The following TDRD3 variants were observed in gnomAD, a reference collection of about 807,000 sequenced individuals.
The protein encoded by TDRD3 is tudor domain containing 3, also known as tudor domain-containing protein 3.
Under a neutral mutation model 86.7 loss-of-function variants are expected in TDRD3, and 45 were observed. The observed-to-expected ratio is 0.52, with a 90% CI of 0.41 to 0.67. The LOEUF (loss-of-function observed/expected upper bound fraction) is 0.67, where lower values mean the gene tolerates loss of function less well. TDRD3 is among the 30% of genes least tolerant of loss of function. The pLI is 0.00. For synonymous variants in TDRD3, 298 were observed against 301.7 expected (o/e 0.99, Z 0.13); for missense variants, 814 against 889.0 (o/e 0.92, Z 1.07).
intron 5 of TDRD3, among the ~76,000 whole-genome samples, chr13:60,474,196 G>A (rs1272851507): frequency 1.3e-5 from 2 of 152,088 alleles, no homozygotes; most frequent in South Asian, 2.1e-4. Flanking sequence ...CTCTCTCTCC[G>A]CCTTGGCTGC....
chr13:60,419,329 A>T (rs1005808616), intron 1 of TDRD3, among the ~76,000 whole-genome samples: 1 of 152,172 alleles, frequency 6.6e-6, no homozygotes, highest in African/African-American at 2.4e-5. Context: ...TAATGTGACT[A>T]TTAGCTCTTC....
chr13:60,460,308 A>G (rs1314479730), intron 3 of TDRD3, 72 bp from the exon 4 acceptor site: 5 of 1,333,764 alleles, frequency 3.7e-6, no homozygotes, highest in South Asian at 1.5e-5. Context: ...GAGAAACACT[A>G]TAAATGAAAA....
chr13:60,495,467 A>T (rs1440962586), intron 8 of TDRD3, among the ~76,000 whole-genome samples: 8 of 145,434 alleles, frequency 5.5e-5, no homozygotes, highest in Non-Finnish European at 1.1e-4. Context: ...AATCAGAGGT[A>T]TTTTTTTTTT....
At chr13:60,420,769 C>T (rs9538688) in intron 1 of TDRD3, among the ~76,000 whole-genome samples, 29,539 of 151,706 alleles carry the variant, frequency 0.19, 3,561 homozygotes, top group South Asian at 0.29. Flanking sequence ...GGTGAAACCC[C>T]GTCTCTACTA....
chr13:60,478,294 T>A (rs1460597047), intron 5 of TDRD3, among the ~76,000 whole-genome samples: 4 of 72,128 alleles, frequency 5.5e-5, no homozygotes, highest in African/African-American at 2.2e-4. Context: ...TCTACCAATT[T>A]TTTTTTTTTT....
chr13:60,541,409 C>T (rs1264009706), intron 12 of TDRD3, among the ~76,000 whole-genome samples: 4 of 151,976 alleles, frequency 2.6e-5, no homozygotes, highest in East Asian at 3.9e-4. Context: ...TCAGGTGATC[C>T]GCCTGCTTTG....
chr13:60,397,286 AAG>A lies in TDRD3; in HGVS notation c.-78_-77del. Reference sequence around the variant, plus strand: ...TCTTTTCTTTTCTTTTTTTTTTTTTAAGGGGGGGGGTCTCAAGTAGGAGGCCT... The same window carrying A: ...TCTTTTCTTTTCTTTTTTTTTTTTTAGGGGGGGGTCTCAAGTAGGAGGCCT... On this transcript the variant is annotated 5_prime_UTR_variant, in exon 1 of 14. An upstream open reading frame in the 5' UTR gains an earlier in-frame stop. Coordinates refer to ENST00000377881, the MANE Select transcript of TDRD3 (RefSeq NM_001146070.2). 1 of 591,718 alleles carries A rather than the reference AAG, an allele frequency of 1.7e-6. No homozygotes were observed. Among genetic ancestry groups the A allele is most frequent in the Non-Finnish European group, 2.5e-6 (1 of 399,408 alleles). The allele number at this position is 591,718 out of a possible 1,614,324, so 36.7% of individuals were successfully genotyped here.
chr13:60,562,336 AAAAAG>A (rs1048989611), intron 12 of TDRD3, among the ~76,000 whole-genome samples: 2 of 151,964 alleles, frequency 1.3e-5, no homozygotes, highest in African/African-American at 2.4e-5. Flanking sequence ...CCCGGCAAAA[AAAAAG>A]AAAAGAAAAG....
Position 60,557,004 on chromosome 13 carries a change from A to T in TDRD3, c.2119-10521A>T, listed in dbSNP as rs2137932091. Among the ~76,000 whole-genome samples, 4 of 152,300 alleles carry T rather than the reference A, an allele frequency of 2.6e-5. No individual in the cohort carries two copies. The East Asian group carries it at 7.7e-4, about 29-fold the overall frequency. ...CAGATCACCTGAGGTCGGGAGTTCG[A>T]TACCAGCCTGACCAACGTGGAGAAA... On this transcript the variant is annotated intron_variant, in intron 12 of 13. Transcript: ENST00000377881.
At chr13:60,419,257 A>T (rs1397898424) in intron 1 of TDRD3, among the ~76,000 whole-genome samples, 1 of 152,174 alleles carries the variant, frequency 6.6e-6, no homozygotes, top group Non-Finnish European at 1.5e-5. Flanking sequence ...CTGGTGTGAA[A>T]TGGTATCTCA....
intron 1 of TDRD3, among the ~76,000 whole-genome samples, chr13:60,412,838 T>G (rs1954397714): frequency 6.6e-6 from 1 of 152,114 alleles, no homozygotes; most frequent in Non-Finnish European, 1.5e-5. Context: ...ATTAAATTGC[T>G]TATCATTATT....
chr13:60,490,367 A>C (rs780118586), intron 7 of TDRD3, among the ~76,000 whole-genome samples: 2 of 152,204 alleles, frequency 1.3e-5, no homozygotes, highest in Non-Finnish European at 2.9e-5. Context: ...CAGAAGGAAA[A>C]GCCATGGCAA....
intron 10 of TDRD3, among the ~76,000 whole-genome samples, chr13:60,528,078 G>C (rs1050997286): frequency 6.6e-6 from 1 of 152,118 alleles, no homozygotes; most frequent in Non-Finnish European, 1.5e-5. Flanking sequence ...TGATTTACCA[G>C]AATAGCATAT....
At chr13:60,444,862 G>T (rs1955364304) in intron 3 of TDRD3, 114 bp downstream of exon 3, 1 of 514,956 alleles carries the variant, frequency 1.9e-6, no homozygotes, top group Non-Finnish European at 3.3e-6. Context: ...TACTCTGGAG[G>T]TGAACAGGTC....
rs201169975 is a variant in TDRD3 at position 60,486,015 on chromosome 13, G to A, written c.717+67G>A. 82 of 1,436,930 alleles carry A rather than the reference G, an allele frequency of 5.7e-5. No homozygotes were observed. In the East Asian group the frequency reaches 1.7e-3, roughly 30 times the overall value. 89.0% of individuals were successfully genotyped at this position (1,436,930 alleles called of 1,614,324 possible). ...TGTTCTATTTAGATTATTTGTGATC[G>A]TTATTGTCTTTTCATATAAGCTAAC... On this transcript the variant is annotated intron_variant, in intron 7 of 13. Coordinates refer to ENST00000377881, the MANE Select transcript of TDRD3 (RefSeq NM_001146070.2).
chr13:60,482,973 A>G (rs1384119232), intron 5 of TDRD3, among the ~76,000 whole-genome samples: 1 of 152,088 alleles, frequency 6.6e-6, no homozygotes, highest in Admixed American at 6.6e-5. Flanking sequence ...ATGTATGTAT[A>G]TATTAATACC....
intron 1 of TDRD3, among the ~76,000 whole-genome samples, chr13:60,423,273 CT>C (rs1954709993): frequency 6.6e-6 from 1 of 152,120 alleles, no homozygotes; most frequent in Non-Finnish European, 1.5e-5. Context: ...GAGCAACTGG[CT>C]TTCTGAAACA....
intron 5 of TDRD3, among the ~76,000 whole-genome samples, chr13:60,480,982 AG>A (rs1566228943): frequency 6.6e-6 from 1 of 151,772 alleles, no homozygotes; most frequent in Non-Finnish European, 1.5e-5. Context: ...GCACCACAGG[AG>A]GGGGGCATTC....
At chr13:60,520,479 T>C (rs1313202412) in intron 10 of TDRD3, among the ~76,000 whole-genome samples, 1 of 152,196 alleles carries the variant, frequency 6.6e-6, no homozygotes, top group Non-Finnish European at 1.5e-5. Context: ...ATCACATTTC[T>C]TCTCATTAGG....
Sources: gnomAD v4.1 joint callset for allele counts (sites outside exome capture counted in the v4.1 genomes callset) on GRCh38, gnomAD v4.1.1 for gene constraint, MANE v1.5 for transcripts, NCBI Gene and HGNC (gene_info 2026-07-23, HGNC 2026-07-21) for gene names.